PTPRD: variants seen among roughly 807,000 people sequenced by gnomAD.
PTPRD encodes the protein protein tyrosine phosphatase receptor type D, also known as receptor-type tyrosine-protein phosphatase delta.
A neutral mutation model predicts 214.5 loss-of-function variants in PTPRD; 34 were observed. The ratio of observed to expected loss-of-function variants is 0.16; its 90% CI spans 0.12 to 0.21. The LOEUF (loss-of-function observed/expected upper bound fraction) is 0.21. Among genes scored for constraint, PTPRD ranks in the 10% least tolerant of loss-of-function variants. The probability of loss-of-function intolerance (pLI) is 1.00; values close to 1 mark genes in which losing one functional copy is unlikely to be tolerated. For synonymous variants in PTPRD, 1,128 were observed against 845.7 expected, an observed-to-expected ratio of 1.33 and a Z score of -5.79; for missense variants, 2,545 against 2,398.7, an observed-to-expected ratio of 1.06 and a Z score of -1.27.
chr9:9,867,462 T>C (rs2064264923), intron 5 of PTPRD, among the ~76,000 whole-genome samples: 4 of 149,284 alleles, frequency 2.7e-5, no homozygotes, highest in African/African-American at 1.0e-4. Flanking sequence ...TTAAATATGG[T>C]ACATAATAAA....
chr9:10,088,709 T>C (rs2098390166), intron 3 of PTPRD, among the ~76,000 whole-genome samples: 1 of 151,776 alleles, frequency 6.6e-6, no homozygotes, highest in Non-Finnish European at 1.5e-5. Context: ...GTTTATAAAA[T>C]AGACAGAAAC....
intron 9 of PTPRD, among the ~76,000 whole-genome samples, chr9:9,319,365 G>T (rs1965202664): frequency 6.6e-6 from 1 of 152,218 alleles, no homozygotes; most frequent in South Asian, 2.1e-4. Flanking sequence ...TTTTAACACT[G>T]CCATTCTTCT....
chr9:10,341,864 A>G (rs1456767404), intron 2 of PTPRD, among the ~76,000 whole-genome samples: 3 of 151,136 alleles, frequency 2.0e-5, no homozygotes, highest in Non-Finnish European at 4.4e-5. Context: ...ATGTAGTTCC[A>G]TATGTATTGT....
chr9:9,677,264 C>T (rs1294582170), intron 7 of PTPRD, among the ~76,000 whole-genome samples: 1 of 151,720 alleles, frequency 6.6e-6, no homozygotes, highest in Non-Finnish European at 1.5e-5. Flanking sequence ...GGTTTTAGGT[C>T]TAACATTTAA....
intron 5 of PTPRD, among the ~76,000 whole-genome samples, chr9:9,888,799 A>G (rs1212683962): frequency 6.6e-6 from 1 of 152,102 alleles, no homozygotes; most frequent in Non-Finnish European, 1.5e-5. Context: ...CAAATGGACT[A>G]AGACAGATAG....
chr9:9,392,058 G>A (rs1338504057), intron 9 of PTPRD, among the ~76,000 whole-genome samples: 1 of 152,090 alleles, frequency 6.6e-6, no homozygotes, highest in Non-Finnish European at 1.5e-5. Context: ...TATAGTCCTA[G>A]AGACAAATAT....
At chr9:9,638,075 G>A (rs2095828646) in intron 7 of PTPRD, among the ~76,000 whole-genome samples, 1 of 152,138 alleles carries the variant, frequency 6.6e-6, no homozygotes, top group African/African-American at 2.4e-5. Context: ...TTATCCCATT[G>A]TCTTGATAAA....
At chr9:10,128,993 G>C (rs1233306594) in intron 3 of PTPRD, among the ~76,000 whole-genome samples, 2 of 152,004 alleles carry the variant, frequency 1.3e-5, no homozygotes, top group Non-Finnish European at 2.9e-5. Flanking sequence ...GTATATATTG[G>C]CTTTGGGAAT....
chr9:9,290,470 T>C (rs1439142997), intron 9 of PTPRD, among the ~76,000 whole-genome samples: 1 of 151,558 alleles, frequency 6.6e-6, no homozygotes, highest in Non-Finnish European at 1.5e-5. Flanking sequence ...ATATAGTCAC[T>C]TGTTGATTTT....
chr9:8,981,021 A>G (rs932769789), intron 11 of PTPRD, among the ~76,000 whole-genome samples: 2 of 152,078 alleles, frequency 1.3e-5, no homozygotes, highest in Non-Finnish European at 2.9e-5. Context: ...AGCTCCCCAT[A>G]ATCTTTGAGC....
intron 9 of PTPRD, among the ~76,000 whole-genome samples, chr9:9,278,776 T>C (rs935880967): frequency 2.0e-5 from 3 of 151,404 alleles, no homozygotes; most frequent in Admixed American, 6.6e-5. Flanking sequence ...TCAAGTGTTA[T>C]TGTGAGGATT....
chr9:8,454,794 T>C lies in PTPRD; in HGVS notation c.3876-4957A>G, dbSNP rs551835688. Among the ~76,000 whole-genome samples, 4 of 146,984 alleles carry C rather than the reference T, an allele frequency of 2.7e-5. No homozygotes were observed. The East Asian group carries it at 8.1e-4, about 30-fold the overall frequency. On this transcript the variant is annotated intron_variant, in intron 33 of 45. Transcript: ENST00000381196. The stretch of plus-strand genomic sequence containing the variant: ...ATGAACTAAACAGAGGACATGAAGT[T>C]ACATCACTGAATACATAGTGTGTGT...
intron 10 of PTPRD, among the ~76,000 whole-genome samples, chr9:9,127,622 A>G (rs897555657): frequency 9.7e-4 from 148 of 152,200 alleles, no homozygotes; most frequent in African/African-American, 3.4e-3. Context: ...ATAAAGTTAG[A>G]TGTCTATACC....
intron 8 of PTPRD, among the ~76,000 whole-genome samples, chr9:9,429,571 T>C (rs561350046): frequency 6.6e-6 from 1 of 152,172 alleles, no homozygotes; most frequent in Non-Finnish European, 1.5e-5. Flanking sequence ...ATCATCCTGA[T>C]ACCAAAGCCT....
intron 9 of PTPRD, among the ~76,000 whole-genome samples, chr9:9,240,478 C>A (rs1486071108): frequency 6.6e-6 from 1 of 152,152 alleles, no homozygotes. Context: ...CAAGACCAGC[C>A]TGGCCAGCAT....
intron 10 of PTPRD, among the ~76,000 whole-genome samples, chr9:9,141,746 T>C (rs1478080911): frequency 6.6e-6 from 1 of 150,668 alleles, no homozygotes. Flanking sequence ...TATATTTATA[T>C]ATTATCTCAT....
At chr9:10,477,340 C>G (rs1179576803) in intron 2 of PTPRD, among the ~76,000 whole-genome samples, 14 of 152,154 alleles carry the variant, frequency 9.2e-5, no homozygotes, top group African/African-American at 2.4e-5. Flanking sequence ...ACAGACACTT[C>G]CCAAAGGGGC....
chr9:10,319,865 C>T (rs143722093), intron 3 of PTPRD, among the ~76,000 whole-genome samples: 30 of 152,120 alleles, frequency 2.0e-4, no homozygotes, highest in African/African-American at 7.2e-4. Flanking sequence ...TTGGTAGTAA[C>T]ATGTTTTCAC....
chr9:9,041,938 T>G (rs2099641193), intron 10 of PTPRD, among the ~76,000 whole-genome samples: 1 of 152,164 alleles, frequency 6.6e-6, no homozygotes, highest in Admixed American at 6.5e-5. Context: ...TTAATTTAGG[T>G]CTCCTTTGTC....
Sources: gnomAD v4.1 joint callset for allele counts (sites outside exome capture counted in the v4.1 genomes callset) on GRCh38, gnomAD v4.1.1 for gene constraint, MANE v1.5 for transcripts, NCBI Gene and HGNC (gene_info 2026-07-23, HGNC 2026-07-21) for gene names.